TSN: variants seen among roughly 807,000 people sequenced by gnomAD.
The protein encoded by TSN is translin.
A neutral mutation model predicts 29.4 loss-of-function variants in TSN; 5 were observed. The ratio of observed to expected loss-of-function variants is 0.17; its 90% CI spans 0.09 to 0.36. The LOEUF is 0.36. Among genes scored for constraint, TSN ranks in the 10% least tolerant of loss-of-function variants. The pLI is 1.00. For missense variants in TSN, 159 were observed against 272.8 expected (o/e 0.58, Z 2.94); for synonymous variants, 106 against 102.2 (o/e 1.04, Z -0.23).
At chr2:121,757,698 C>T (rs2074769989) in intron 2 of TSN, 1 of 212,598 alleles carries the variant, frequency 4.7e-6, no homozygotes, top group South Asian at 6.0e-5. Context: ...CTCTTGTTGC[C>T]CAGGCTGGAG....
chr2:121,764,471 C>T (rs982019653), intron 5 of TSN, among the ~76,000 whole-genome samples: 4 of 151,618 alleles, frequency 2.6e-5, no homozygotes, highest in South Asian at 2.1e-4. Flanking sequence ...ACAAAAAACC[C>T]GTATGTTGAC....
At position 121,767,758 on chromosome 2, in the gene TSN, TAA is replaced by T. The variant is rs1348289630; in HGVS notation, c.*2393_*2394del. 6.6e-6 allele frequency: 1 copy of T among 152,166 alleles called. No individual in the cohort carries two copies. Among genetic ancestry groups the T allele is most frequent in the Non-Finnish European group, 1.5e-5 (1 of 68,036 alleles). 9.4% of individuals were successfully genotyped at this position (152,166 alleles called of 1,614,324 possible). On this transcript the variant is annotated 3_prime_UTR_variant, in exon 6 of 6. Transcript: ENST00000389682. ...GCAGTGTTTTGAGAACTTAAGTGGC[TAA>T]AGAGATGAGACAAACATGCAGGTCG...
Position 121,758,759 on chromosome 2 carries a change from A to G in TSN, c.210A>G (p.Thr70=). Residue 70 remains threonine, a synonymous_variant, in exon 3 of 6, where the codon ACA becomes ACG. Coordinates refer to ENST00000389682, the MANE Select transcript of TSN (RefSeq NM_004622.3). The stretch of plus-strand genomic sequence containing the variant: ...GAGAACATTTTGGTACAGTAAAAAC[A>G]CATCTAACATCTTTGAAGACCAAAT... ...KAREHFGTVK[T]HLTSLKTKFP... 1 of 1,593,616 alleles carries G rather than the reference A, an allele frequency of 6.3e-7. No homozygotes were observed.
intron 1 of TSN, chr2:121,756,098 C>A (rs1406389633): frequency 2.8e-6 from 2 of 705,142 alleles, no homozygotes; most frequent in East Asian, 5.9e-5. Flanking sequence ...CTTTTCAGCA[C>A]TTGTTTATAT....
At chr2:121,764,334 G>A (rs997775743) in intron 5 of TSN, among the ~76,000 whole-genome samples, 59 of 152,298 alleles carry the variant, frequency 3.9e-4, no homozygotes, top group African/African-American at 1.4e-3. Flanking sequence ...GCCGGGCACA[G>A]TCGCTTACGC....
intron 5 of TSN, among the ~76,000 whole-genome samples, chr2:121,764,922 G>A (rs145427633): frequency 2.0e-5 from 3 of 152,342 alleles, no homozygotes; most frequent in Non-Finnish European, 2.9e-5. Context: ...TTAGATGTTA[G>A]TAATGTTAAA....
intron 4 of TSN, among the ~76,000 whole-genome samples, chr2:121,762,196 TGGTC>T (rs2074840831): frequency 6.6e-6 from 1 of 152,094 alleles, no homozygotes; most frequent in South Asian, 2.1e-4. Flanking sequence ...TTCTCCATGT[TGGTC>T]GGGCTAGTCT....
At chr2:121,763,434 T>C (rs762783389) in intron 5 of TSN, among the ~76,000 whole-genome samples, 4 of 152,206 alleles carry the variant, frequency 2.6e-5, no homozygotes, top group South Asian at 2.1e-4. Flanking sequence ...CGTGAGCCAC[T>C]GTGCCTGGCC....
chr2:121,761,156 C>T (rs1287081064), intron 3 of TSN, among the ~76,000 whole-genome samples: 1 of 152,160 alleles, frequency 6.6e-6, no homozygotes, highest in Non-Finnish European at 1.5e-5. Flanking sequence ...CAGGCGTGAG[C>T]CATCGCACCC....
chr2:121,757,408 A>G (rs1481708220), intron 2 of TSN, 75 bp downstream of exon 2: 2 of 1,599,894 alleles, frequency 1.3e-6, no homozygotes, highest in Admixed American at 3.4e-5. Flanking sequence ...GACATTTTAT[A>G]ATGAAAAATG....
intron 1 of TSN, chr2:121,756,046 A>G: frequency 9.0e-7 from 1 of 1,114,888 alleles, no homozygotes; most frequent in Non-Finnish European, 1.2e-6. Flanking sequence ...TTCGAGTCTC[A>G]GCTTCTCAGC....
intron 3 of TSN, 26 bp from the exon 4 acceptor site, chr2:121,761,383 G>A (rs1192808060): frequency 6.4e-7 from 1 of 1,573,370 alleles, no homozygotes; most frequent in African/African-American, 1.4e-5. Flanking sequence ...TAACCTTGGA[G>A]GCTAAATGTG....
In TSN at chr2:121,761,150, C is replaced by T. The variant is rs377441898; in HGVS notation, c.258-259C>T. The stretch of plus-strand genomic sequence containing the variant: ...CTTCTCAAAGTGCTGGGATTACAGG[C>T]GTGAGCCATCGCACCCGGCGTAAAT... On this transcript the variant is annotated intron_variant, in intron 3 of 5. Transcript: ENST00000389682. Among the ~76,000 whole-genome samples, 95 of 152,224 alleles carry T rather than the reference C, an allele frequency of 6.2e-4. 2 individuals are homozygous for T. The South Asian group carries it at 0.018, about 30-fold the overall frequency.
chr2:121,758,000 CTTTT>C (rs2074773375), intron 2 of TSN, among the ~76,000 whole-genome samples: 1 of 151,600 alleles, frequency 6.6e-6, no homozygotes, highest in South Asian at 2.1e-4. Flanking sequence ...TATCTAGTGA[CTTTT>C]ATTTGGCCCT....
At chr2:121,756,636 G>A in intron 1 of TSN, 1 of 1,296,400 alleles carries the variant, frequency 7.7e-7, no homozygotes, top group Non-Finnish European at 1.0e-6. Context: ...GGGGAGCGGC[G>A]CCTCATGCCT....
At chr2:121,759,491 C>G (rs1214799467) in intron 3 of TSN, among the ~76,000 whole-genome samples, 1 of 152,054 alleles carries the variant, frequency 6.6e-6, no homozygotes, top group Non-Finnish European at 1.5e-5. Flanking sequence ...CCCTGTAACC[C>G]CAGCCACTTC....
Position 121,767,643 on chromosome 2 carries a change from C to G in TSN, c.*2276C>G, listed in dbSNP as rs1236175680. 6.6e-6 allele frequency: 1 copy of G among 152,022 alleles called. No homozygotes were observed. The highest frequency in any genetic ancestry group is 2.4e-5 in the African/African-American group (1 of 41,384). 9.4% of individuals were successfully genotyped at this position (152,022 alleles called of 1,614,324 possible). ...ATTCATTTATAAGAAGAGAACCAGC[C>G]ATATACACTTGGGGAGATTTGCCAC... On this transcript the variant is annotated 3_prime_UTR_variant, in exon 6 of 6. Coordinates refer to ENST00000389682, the MANE Select transcript of TSN (RefSeq NM_004622.3).
intron 5 of TSN, among the ~76,000 whole-genome samples, chr2:121,764,697 C>G (rs1240882776): frequency 6.6e-6 from 1 of 151,450 alleles, no homozygotes; most frequent in Non-Finnish European, 1.5e-5. Context: ...ATTCTTATCC[C>G]AAGTCTGCCT....
intron 1 of TSN, chr2:121,756,684 C>T (rs1457305882): frequency 4.7e-6 from 6 of 1,269,812 alleles, no homozygotes; most frequent in African/African-American, 4.7e-5. Flanking sequence ...GCGGCCAGAT[C>T]ACCTGAGGTA....
Sources: allele counts gnomAD v4.1 joint callset (sites outside exome capture counted in the v4.1 genomes callset), GRCh38; gene constraint gnomAD v4.1.1; transcripts MANE v1.5; gene names NCBI Gene and HGNC (gene_info 2026-07-23, HGNC 2026-07-21).